TAFA4: variants seen among roughly 807,000 people sequenced by gnomAD.
TAFA4 encodes chemokine-like protein TAFA-4.
A neutral mutation model predicts 21.1 loss-of-function variants in TAFA4; 20 were observed. The observed-to-expected ratio is 0.95, with a 90% CI of 0.67 to 1.38. The LOEUF (loss-of-function observed/expected upper bound fraction) is 1.38. TAFA4 is among the 40% of genes most tolerant of loss of function. TAFA4 has a pLI of 0.00. For missense variants in TAFA4, 211 were observed against 180.9 expected (o/e 1.17, Z -0.95); for synonymous variants, 71 against 67.4 (o/e 1.05, Z -0.26).
chr3:68,763,900 A>T (rs1702802705), intron 3 of TAFA4, among the ~76,000 whole-genome samples: 1 of 152,078 alleles, frequency 6.6e-6, no homozygotes, highest in African/African-American at 2.4e-5. Flanking sequence ...ACACATAAGT[A>T]TGCATACACT....
rs974011361 is a variant in TAFA4 at position 68,753,046 on chromosome 3, AC to A, written c.131-29del. On this transcript the variant is annotated intron_variant, in intron 3 of 5. Transcript: ENST00000295569. ...AGTTGGTAATGGGGGAGAAAAACAA[AC>A]CCAGTGCTGTTAGAAGGAAATGACA... 3 of 1,602,042 alleles carry A rather than the reference AC, an allele frequency of 1.9e-6. No individual in the cohort carries two copies. In the African/African-American group the frequency reaches 4.0e-5, roughly 21 times the overall value.
chr3:68,911,150 C>T (rs2089958337), intron 1 of TAFA4, among the ~76,000 whole-genome samples: 1 of 152,174 alleles, frequency 6.6e-6, no homozygotes, highest in Admixed American at 6.5e-5. Context: ...ACACTGCTGA[C>T]GTTTGGGAGG....
intron 3 of TAFA4, among the ~76,000 whole-genome samples, chr3:68,848,368 A>G (rs1704859790): frequency 6.6e-6 from 1 of 152,230 alleles, no homozygotes; most frequent in African/African-American, 2.4e-5. Flanking sequence ...TCAGATAGCT[A>G]TGTATCAACG....
At chr3:68,887,114 A>G (rs538699389) in intron 1 of TAFA4, among the ~76,000 whole-genome samples, 27 of 152,238 alleles carry the variant, frequency 1.8e-4, no homozygotes, top group Non-Finnish European at 2.9e-4. Context: ...AAAACAAGTT[A>G]TCTACTTCCA....
intron 3 of TAFA4, among the ~76,000 whole-genome samples, chr3:68,845,068 A>T (rs1242311072): frequency 6.6e-6 from 1 of 152,176 alleles, no homozygotes; most frequent in Non-Finnish European, 1.5e-5. Context: ...AGTTCTGAAT[A>T]TCCTTGTTAA....
intron 3 of TAFA4, among the ~76,000 whole-genome samples, chr3:68,827,766 T>C (rs893893899): frequency 2.6e-5 from 4 of 152,236 alleles, no homozygotes; most frequent in Non-Finnish European, 5.9e-5. Flanking sequence ...AAGTTCTTTG[T>C]AGATTCTGGA....
intron 3 of TAFA4, among the ~76,000 whole-genome samples, chr3:68,870,771 T>G (rs1174969290): frequency 6.6e-6 from 1 of 152,046 alleles, no homozygotes; most frequent in Non-Finnish European, 1.5e-5. Context: ...TGTGTGATGT[T>G]TCCCTTCCTG....
Position 68,880,613 on chromosome 3 carries a change from C to T in TAFA4, c.130+117G>A, listed in dbSNP as rs944208140. 46 of 757,342 alleles carry T rather than the reference C, an allele frequency of 6.1e-5. No individual in the cohort carries two copies. The African/African-American group carries it at 7.3e-4, about 12-fold the overall frequency. The allele number at this position is 757,342 out of a possible 1,614,324, so 46.9% of individuals were successfully genotyped here. A position where few individuals can be genotyped will look rare whatever the true frequency, so the allele number is the denominator to read the frequency against. ...TACTCCGCCATATTTCATGCTTCCTCTAGTTATTTACACACCATCAGAAGC... is the reference window on the plus strand; with the variant it reads ...TACTCCGCCATATTTCATGCTTCCTTTAGTTATTTACACACCATCAGAAGC... On this transcript the variant is annotated intron_variant, in intron 3 of 5. Transcript: ENST00000295569.
chr3:68,797,069 T>G (rs1026308230), intron 3 of TAFA4, among the ~76,000 whole-genome samples: 4 of 152,170 alleles, frequency 2.6e-5, no homozygotes, highest in Non-Finnish European at 5.9e-5. Context: ...ATGGTACAAC[T>G]ACTGTAGAAA....
intron 1 of TAFA4, among the ~76,000 whole-genome samples, chr3:68,929,034 A>G (rs2090136038): frequency 6.6e-6 from 1 of 151,734 alleles, no homozygotes; most frequent in African/African-American, 2.4e-5. Flanking sequence ...AAATGAATTG[A>G]ATAGCAACTG....
chr3:68,820,847 A>G (rs1704097803), intron 3 of TAFA4, among the ~76,000 whole-genome samples: 2 of 152,220 alleles, frequency 1.3e-5, no homozygotes, highest in Non-Finnish European at 2.9e-5. Flanking sequence ...GTCAATTAAA[A>G]AAATTATTAA....
intron 4 of TAFA4, among the ~76,000 whole-genome samples, chr3:68,748,470 C>T (rs1295838390): frequency 9.2e-5 from 14 of 152,176 alleles, no homozygotes; most frequent in African/African-American, 2.2e-4. Flanking sequence ...GGGCCGGGTG[C>T]GGTGGCTCAT....
intron 1 of TAFA4, among the ~76,000 whole-genome samples, chr3:68,927,908 A>G (rs907945239): frequency 1.3e-5 from 2 of 152,144 alleles, no homozygotes; most frequent in Non-Finnish European, 2.9e-5. Flanking sequence ...AAAAAAAAGA[A>G]AAAAGAAATA....
At chr3:68,836,811 T>C (rs967865989) in intron 3 of TAFA4, among the ~76,000 whole-genome samples, 1 of 152,228 alleles carries the variant, frequency 6.6e-6, no homozygotes, top group Non-Finnish European at 1.5e-5. Context: ...CTGACTATGC[T>C]ACCAGGGTTC....
At chr3:68,885,728 T>C (rs1014249381) in intron 1 of TAFA4, among the ~76,000 whole-genome samples, 1 of 152,116 alleles carries the variant, frequency 6.6e-6, no homozygotes, top group African/African-American at 2.4e-5. Flanking sequence ...AGCACGAAGA[T>C]CTGAATTCCT....
rs6781315 is a variant in TAFA4 at position 68,879,073 on chromosome 3, C to A, written c.130+1657G>T. ...TCTAATCCAAGCCATAAAAAGCATCCAACTTCTAACTAGGGTTTCCTAGTG... is the reference window on the plus strand; with the variant it reads ...TCTAATCCAAGCCATAAAAAGCATCAAACTTCTAACTAGGGTTTCCTAGTG... On this transcript the variant is annotated intron_variant, in intron 3 of 5. Transcript: ENST00000295569. Among the ~76,000 whole-genome samples the A allele has an allele frequency of 1.2e-3, 177 of 152,200 alleles. 2 individuals are homozygous for A. The highest frequency in any genetic ancestry group is 4.2e-3 in the African/African-American group (175 of 41,538).
chr3:68,735,073 T>C (rs555144961), intron 5 of TAFA4, among the ~76,000 whole-genome samples: 1 of 152,232 alleles, frequency 6.6e-6, no homozygotes, highest in African/African-American at 2.4e-5. Context: ...ATTAGCTCTA[T>C]TCCCATTCAT....
chr3:68,809,519 ATTTTTT>A (rs200107940), intron 3 of TAFA4, among the ~76,000 whole-genome samples: 29 of 127,108 alleles, frequency 2.3e-4, no homozygotes, highest in Non-Finnish European at 3.1e-4. Context: ...CACTATGTTG[ATTTTTT>A]TTTTTTTTTT....
intron 3 of TAFA4, among the ~76,000 whole-genome samples, chr3:68,842,855 C>T (rs1050952625): frequency 2.0e-5 from 3 of 150,080 alleles, no homozygotes; most frequent in Non-Finnish European, 4.5e-5. Context: ...GAGGGTTTGG[C>T]GTTATTTCTG....
Sources: allele counts gnomAD v4.1 joint callset (sites outside exome capture counted in the v4.1 genomes callset), GRCh38; gene constraint gnomAD v4.1.1; transcripts MANE v1.5; gene names NCBI Gene and HGNC (gene_info 2026-07-23, HGNC 2026-07-21).